The following TJP2 variants were observed in gnomAD, a reference collection of about 807,000 sequenced individuals.
TJP2 encodes the protein tight junction protein 2.
A neutral mutation model predicts 133.1 loss-of-function variants in TJP2; 91 were observed. That is an observed-to-expected ratio of 0.68 (90% confidence interval 0.58 to 0.81). The LOEUF (loss-of-function observed/expected upper bound fraction) is 0.81, where lower values mean the gene tolerates loss of function less well. Among genes scored for constraint, TJP2 ranks in the 40% least tolerant of loss-of-function variants. TJP2 has a pLI of 0.00. For synonymous variants in TJP2, 592 were observed against 583.4 expected, an observed-to-expected ratio of 1.01 and a Z score of -0.21; for missense variants, 1,541 against 1,565.6, an observed-to-expected ratio of 0.98 and a Z score of 0.26.
At chr9:69,247,991 G>T in intron 18 of TJP2, 21 bp from the exon 19 acceptor site, 1 of 1,574,736 alleles carries the variant, frequency 6.4e-7, no homozygotes. Flanking sequence ...CCCACTGACC[G>T]TCCAACACAA....
upstream of TJP2, chr9:69,121,386 C>T (rs13291875): frequency 5.1e-6 from 5 of 978,506 alleles, no homozygotes; most frequent in South Asian, 1.9e-4. Flanking sequence ...CCGCCCACCC[C>T]CTTCCCCTCC....
In TJP2 at chr9:69,152,817, C is replaced by CTTTT. The variant is rs10543289; in HGVS notation, c.-10+1074_-10+1077dup. 5.1e-3 allele frequency among the ~76,000 whole-genome samples: 245 copies of CTTTT among 48,046 alleles called. 33 individuals are homozygous for CTTTT. The highest frequency in any genetic ancestry group is 6.4e-3 in the Non-Finnish European group (162 of 25,232). 31.5% of individuals were successfully genotyped at this position (48,046 alleles called of 152,430 possible). ...TTACTGAAATGTTCTCTCTGGAGCT[C>CTTTT]TTTTTTTTTTTTTTTTTTTTTTTTT... On this transcript the variant is annotated intron_variant, in intron 2 of 5. Transcript: ENST00000423935.
intron 1 of TJP2, among the ~76,000 whole-genome samples, chr9:69,128,748 A>T (rs941110624): frequency 6.6e-6 from 1 of 152,132 alleles, no homozygotes; most frequent in Middle Eastern, 3.4e-3. Context: ...GGATGGTCTC[A>T]ATCTCCTGAC....
intron 1 of TJP2, among the ~76,000 whole-genome samples, chr9:69,128,697 T>C (rs79776723): frequency 0.024 from 3,705 of 152,094 alleles, 160 homozygotes; most frequent in African/African-American, 0.084. Flanking sequence ...TAATTTTTGT[T>C]GTTATTTTTC....
At chr9:69,229,155 G>A (rs764601332) in intron 9 of TJP2, 29 bp from the exon 10 acceptor site, 2 of 1,606,622 alleles carry the variant, frequency 1.2e-6, no homozygotes, top group South Asian at 2.2e-5. Flanking sequence ...AGTCCAGATT[G>A]ATAACAGTAG....
In TJP2 at chr9:69,223,407, A is replaced by G. The variant is rs145971504; in HGVS notation, c.953-1897A>G. On this transcript the variant is annotated intron_variant, in intron 5 of 22. Coordinates refer to ENST00000377245, the MANE Select transcript of TJP2 (RefSeq NM_004817.4). ...ACTGCAGGCTCCATCTCCCGGGTTC[A>G]CACCATTCTCCTGCCTCAGCCTCCC... 2.5e-3 allele frequency among the ~76,000 whole-genome samples: 384 copies of G among 152,252 alleles called. 4 individuals carry two copies. The highest frequency in any genetic ancestry group is 8.3e-3 in the African/African-American group (343 of 41,560).
chr9:69,248,720 A>T (rs1036210182), intron 19 of TJP2: 2 of 997,796 alleles, frequency 2.0e-6, no homozygotes, highest in African/African-American at 3.5e-5. Context: ...TCAAACCTTC[A>T]TCTGATCACA....
intron 17 of TJP2, among the ~76,000 whole-genome samples, chr9:69,244,184 G>GA (rs35047206): frequency 0.038 from 2,220 of 57,862 alleles, 91 homozygotes; most frequent in African/African-American, 0.11. Context: ...CCTGTCTCAG[G>GA]AAAAAAAAAA....
intron 1 of TJP2, 53 bp from the exon 2 acceptor site, chr9:69,212,495 A>C: frequency 7.6e-7 from 1 of 1,310,792 alleles, no homozygotes; most frequent in Non-Finnish European, 1.1e-6. Context: ...TTTTATTTCT[A>C]GCATTGAAAA....
At chr9:69,229,710 GATTAGGATT>G (rs1435038912) in intron 10 of TJP2, among the ~76,000 whole-genome samples, 1 of 152,184 alleles carries the variant, frequency 6.6e-6, no homozygotes, top group Non-Finnish European at 1.5e-5. Context: ...CAGCCTCCTG[GATTAGGATT>G]CTGCTTCTTT....
At chr9:69,175,081 T>C (rs1298252884) in intron 1 of TJP2, among the ~76,000 whole-genome samples, 1 of 152,192 alleles carries the variant, frequency 6.6e-6, no homozygotes, top group East Asian at 1.9e-4. Flanking sequence ...AAGTTATAAA[T>C]AATCAGGGAT....
intron 11 of TJP2, among the ~76,000 whole-genome samples, chr9:69,231,702 A>C (rs1829798647): frequency 6.6e-6 from 1 of 152,190 alleles, no homozygotes; most frequent in Non-Finnish European, 1.5e-5. Context: ...AAAGCTTTTC[A>C]GTGAAATTCT....
Position 69,133,927 on chromosome 9 carries a change from G to A in TJP2, c.-131+12202G>A, listed in dbSNP as rs545622499. On this transcript the variant is annotated intron_variant, in intron 1 of 5. Transcript: ENST00000423935. ...TTTCTTTTGTCAGCCTAAGGAATAT[G>A]TACTCCTATTATTAAGACCCAACTC... Among the ~76,000 whole-genome samples, 200 of 152,054 alleles carry A rather than the reference G, an allele frequency of 1.3e-3. 1 individual carries two copies. Among genetic ancestry groups the A allele is most frequent in the African/African-American group, 4.5e-3 (188 of 41,464 alleles).
intron 6 of TJP2, 63 bp downstream of exon 6, chr9:69,225,470 A>T: frequency 9.3e-7 from 1 of 1,071,500 alleles, no homozygotes; most frequent in Non-Finnish European, 1.4e-6. Context: ...GCATGTCCAC[A>T]TTCAGCACCC....
intron 5 of TJP2, among the ~76,000 whole-genome samples, chr9:69,223,398 C>A (rs566006543): frequency 6.6e-6 from 1 of 152,188 alleles, no homozygotes; most frequent in African/African-American, 2.4e-5. Context: ...GGCTCCATCT[C>A]CCGGGTTCAC....
chr9:69,236,844 A>G lies in TJP2; in HGVS notation c.1992-105A>G. The G allele has an allele frequency of 3.7e-6, 5 of 1,333,364 alleles. No individual in the cohort carries two copies. The South Asian group carries it at 5.9e-5, about 16-fold the overall frequency. 82.6% of individuals were successfully genotyped at this position (1,333,364 alleles called of 1,614,324 possible). ...TGAAACTTCTTCATTGTCAAGCGGA[A>G]TCTTCTCTGAGCTCAGAAGTAAAAT... On this transcript the variant is annotated intron_variant, in intron 13 of 22. Transcript: ENST00000377245.
intron 2 of TJP2, among the ~76,000 whole-genome samples, chr9:69,159,736 G>A (rs1264259513): frequency 1.3e-5 from 2 of 151,898 alleles, no homozygotes; most frequent in Non-Finnish European, 2.9e-5. Flanking sequence ...AAATTAGCCA[G>A]GTGGTGGAAC....
At chr9:69,169,038 G>T (rs555847440) in intron 2 of TJP2, among the ~76,000 whole-genome samples, 1 of 151,928 alleles carries the variant, frequency 6.6e-6, no homozygotes, top group Non-Finnish European at 1.5e-5. Context: ...AAGTGGGGGC[G>T]GGGACGGGGG....
chr9:69,191,699 A>G (rs1379065590), intron 1 of TJP2, among the ~76,000 whole-genome samples: 6 of 152,232 alleles, frequency 3.9e-5, no homozygotes, highest in Non-Finnish European at 1.5e-5. Flanking sequence ...GATGTACAAT[A>G]GAGACTAAAC....
Sources: allele counts gnomAD v4.1 joint callset (sites outside exome capture counted in the v4.1 genomes callset), GRCh38; gene constraint gnomAD v4.1.1; transcripts MANE v1.5; gene names NCBI Gene and HGNC (gene_info 2026-07-23, HGNC 2026-07-21).